HMGCLL1: variants seen among roughly 807,000 people sequenced by gnomAD.
HMGCLL1 encodes 3-hydroxymethyl-3-methylglutaryl-CoA lyase, cytoplasmic.
A neutral mutation model predicts 39.1 loss-of-function variants in HMGCLL1; 36 were observed. The observed-to-expected ratio is 0.92, with a 90% CI of 0.71 to 1.22. The LOEUF (loss-of-function observed/expected upper bound fraction) is 1.22. HMGCLL1 is among the 50% of genes most tolerant of loss of function. The probability of loss-of-function intolerance (pLI) is 0.00; values close to 1 mark genes in which losing one functional copy is unlikely to be tolerated. For synonymous variants in HMGCLL1, 149 were observed against 144.0 expected (o/e 1.03, Z -0.25); for missense variants, 451 against 416.5 (o/e 1.08, Z -0.72).
At chr6:55,613,421 T>C in the HMGCLL1 span, among the ~76,000 whole-genome samples, 1 of 152,134 alleles carries the variant, frequency 6.6e-6, no homozygotes, top group South Asian at 2.1e-4. Context: ...AAATACCATA[T>C]GACCCAGCAA....
chr6:55,594,235 TCTTTC>T, the HMGCLL1 span, among the ~76,000 whole-genome samples: 1 of 152,196 alleles, frequency 6.6e-6, no homozygotes, highest in African/African-American at 2.4e-5. Context: ...TTATTTTTCT[TCTTTC>T]CTTCTCACTA....
At chr6:55,519,998 C>A (rs1338616756) in intron 3 of HMGCLL1, among the ~76,000 whole-genome samples, 1 of 147,626 alleles carries the variant, frequency 6.8e-6, no homozygotes, top group Non-Finnish European at 1.5e-5. Context: ...ATCAATAGAT[C>A]AAGAAAACCA....
chr6:55,639,948 T>C, the HMGCLL1 span, among the ~76,000 whole-genome samples: 71 of 151,262 alleles, frequency 4.7e-4, 1 homozygote, highest in South Asian at 0.015. Context: ...CGTGGTGGCA[T>C]GTGCCTGTAA....
the HMGCLL1 span, among the ~76,000 whole-genome samples, chr6:55,585,487 T>C: frequency 1.3e-5 from 2 of 152,104 alleles, no homozygotes; most frequent in African/African-American, 4.8e-5. Context: ...AGTTGATAAA[T>C]TTTGGTGGGT....
chr6:55,444,538 G>A (rs115757805), intron 7 of HMGCLL1, among the ~76,000 whole-genome samples: 2,264 of 151,938 alleles, frequency 0.015, 27 homozygotes, highest in Non-Finnish European at 0.025. Context: ...ATGATTAAGG[G>A]AAAAACAGGT....
At chr6:55,586,048 A>G in the HMGCLL1 span, among the ~76,000 whole-genome samples, 8 of 152,146 alleles carry the variant, frequency 5.3e-5, no homozygotes, top group Non-Finnish European at 1.2e-4. Flanking sequence ...ATTAATGCTT[A>G]ATAAATACGG....
At chr6:55,448,905 A>T (rs1055006894) in intron 7 of HMGCLL1, among the ~76,000 whole-genome samples, 3 of 152,174 alleles carry the variant, frequency 2.0e-5, no homozygotes, top group African/African-American at 7.2e-5. Context: ...CTTCCTGGAA[A>T]CATCTCAGAT....
chr6:55,435,913 T>C (rs1220271936), intron 8 of HMGCLL1, 150 bp from the exon 9 acceptor site: 2 of 471,978 alleles, frequency 4.2e-6, no homozygotes, highest in Non-Finnish European at 7.6e-6. Flanking sequence ...TGGGGCAACA[T>C]TTGTTTCCAT....
intron 1 of HMGCLL1, among the ~76,000 whole-genome samples, chr6:55,556,323 A>G (rs1393407741): frequency 6.6e-6 from 1 of 152,172 alleles, no homozygotes; most frequent in African/African-American, 2.4e-5. Flanking sequence ...TTGTGTTTTG[A>G]GCAAAGAATA....
At chr6:55,675,082 T>A in the HMGCLL1 span, among the ~76,000 whole-genome samples, 1 of 152,110 alleles carries the variant, frequency 6.6e-6, no homozygotes, top group African/African-American at 2.4e-5. Flanking sequence ...TGTTGCATCA[T>A]CCAATAACAT....
chr6:55,640,859 C>A, the HMGCLL1 span, among the ~76,000 whole-genome samples: 1 of 151,692 alleles, frequency 6.6e-6, no homozygotes, highest in Non-Finnish European at 1.5e-5. Flanking sequence ...TCTCCAAACC[C>A]ACGATTGACT....
chr6:55,566,942 C>T (rs1771247344), intron 1 of HMGCLL1, among the ~76,000 whole-genome samples: 1 of 151,926 alleles, frequency 6.6e-6, no homozygotes, highest in African/African-American at 2.4e-5. Context: ...GCTAAAATCA[C>T]CTAAAGTTTA....
intron 2 of HMGCLL1, 95 bp from the exon 3 acceptor site, chr6:55,541,931 G>A (rs1769461913): frequency 1.1e-6 from 1 of 941,478 alleles, no homozygotes; most frequent in Non-Finnish European, 1.6e-6. Context: ...AGTATTATTT[G>A]TAATTTACAA....
chr6:55,461,524 T>G (rs1239995578), intron 7 of HMGCLL1, among the ~76,000 whole-genome samples: 1 of 152,020 alleles, frequency 6.6e-6, no homozygotes, highest in East Asian at 1.9e-4. Flanking sequence ...GCAGAATACT[T>G]GGAATAAGGT....
chr6:55,597,057 C>T, the HMGCLL1 span, among the ~76,000 whole-genome samples: 1 of 123,084 alleles, frequency 8.1e-6, no homozygotes, highest in African/African-American at 2.7e-5. Context: ...TGATCAGCAA[C>T]CAAATATGTG....
the HMGCLL1 span, among the ~76,000 whole-genome samples, chr6:55,626,458 C>T: frequency 3.9e-4 from 60 of 152,118 alleles, 1 homozygote; most frequent in Admixed American, 7.2e-4. Context: ...TTTTTGAAGT[C>T]GCAATTATAA....
At chr6:55,614,165 A>AT in the HMGCLL1 span, among the ~76,000 whole-genome samples, 1 of 152,164 alleles carries the variant, frequency 6.6e-6, no homozygotes, top group Non-Finnish European at 1.5e-5. Context: ...AAAAATGACC[A>AT]TAGGATGTGG....
intron 3 of HMGCLL1, among the ~76,000 whole-genome samples, chr6:55,532,293 T>C (rs1255188324): frequency 6.6e-6 from 1 of 152,182 alleles, no homozygotes; most frequent in Non-Finnish European, 1.5e-5. Flanking sequence ...GCTTGAATTA[T>C]ATGTTCTGCT....
Position 55,435,458 on chromosome 6 carries a change from A to G in HMGCLL1, c.*204T>C, listed in dbSNP as rs1298556578. Reference sequence around the variant, plus strand: ...AAAATTATGACAAGTTTTATTATTTATCCTCAGCTTGCAATTTACCTGATG... The same window carrying G: ...AAAATTATGACAAGTTTTATTATTTGTCCTCAGCTTGCAATTTACCTGATG... On this transcript the variant is annotated 3_prime_UTR_variant, in exon 9 of 9. Coordinates refer to ENST00000274901, the MANE Select transcript of HMGCLL1 (RefSeq NM_001042406.2). 2.6e-6 allele frequency: 1 copy of G among 379,630 alleles called. No homozygotes were observed. The highest frequency in any genetic ancestry group is 2.1e-5 in the African/African-American group (1 of 47,868). The allele number at this position is 379,630 out of a possible 1,614,324, so 23.5% of individuals were successfully genotyped here.
Sources: gnomAD v4.1 joint callset for allele counts (sites outside exome capture counted in the v4.1 genomes callset) on GRCh38, gnomAD v4.1.1 for gene constraint, MANE v1.5 for transcripts, NCBI Gene and HGNC (gene_info 2026-07-23, HGNC 2026-07-21) for gene names.